Variants in CD300E observed in about 807,000 individuals in gnomAD.
The protein encoded by CD300E is CMRF35-like molecule 2.
In CD300E, 14 loss-of-function variants were observed where a neutral mutation model predicts 20.9. The ratio of observed to expected loss-of-function variants is 0.67; its 90% CI spans 0.44 to 1.05. The LOEUF (loss-of-function observed/expected upper bound fraction) is 1.05. Ranked by LOEUF, CD300E falls within the 50% of genes least tolerant of loss-of-function variation. The pLI, the probability that CD300E is intolerant of heterozygous loss-of-function variation, is 0.00. For synonymous variants in CD300E, 102 were observed against 103.7 expected, an observed-to-expected ratio of 0.98 and a Z score of 0.10; for missense variants, 237 against 253.9, an observed-to-expected ratio of 0.93 and a Z score of 0.45.
intron 2 of CD300E, 80 bp from the exon 3 acceptor site, chr17:74,614,113 A>G: frequency 1.8e-6 from 2 of 1,083,504 alleles, no homozygotes; most frequent in Non-Finnish European, 2.8e-6. Context: ...TGTCATACAG[A>G]ATCACCCACT....
At position 74,612,680 on chromosome 17, in the gene CD300E, C is replaced by A; in HGVS notation, c.591G>T (p.Arg197Ser). The change falls in exon 4 of 4, where the codon AGG becomes AGT. Residue 197 changes from arginine (R) to serine (S), a missense_variant. Coordinates refer to ENST00000392619, the MANE Select transcript of CD300E (RefSeq NM_181449.3). ...ATCTTCCAGGAGGAGCCCACTGAGG[C>A]CTGTTCACCCAGAAGACAGCACCCA... Reference protein sequence around the residue: ...SMLGAVFWVNRPQWAPPGR With the variant: ...SMLGAVFWVNSPQWAPPGR The A allele has an allele frequency of 6.2e-7, 1 of 1,613,856 alleles. No individual in the cohort carries two copies. Among genetic ancestry groups the A allele is most frequent in the Non-Finnish European group, 8.5e-7 (1 of 1,179,974 alleles).
intron 1 of CD300E, among the ~76,000 whole-genome samples, chr17:74,619,671 A>G (rs879369649): frequency 6.6e-6 from 1 of 152,118 alleles, no homozygotes; most frequent in Non-Finnish European, 1.5e-5. Flanking sequence ...GGAGGAAACC[A>G]TGGGACCATT....
rs539530420 is a variant in CD300E at position 74,612,623 on chromosome 17, G to A, written c.*30C>T. 1 of 1,610,688 alleles carries A rather than the reference G, an allele frequency of 6.2e-7. No individual in the cohort carries two copies. Among genetic ancestry groups the A allele is most frequent in the Admixed American group, 1.7e-5 (1 of 59,926 alleles). On this transcript the variant is annotated 3_prime_UTR_variant, in exon 4 of 4. Transcript: ENST00000392619. ...CTGCACGGGGCACTCCTGGGGATGG[G>A]GCTCTGCAGGGCTTCGGGTCAGCCT... is the stretch of plus-strand genomic sequence containing the variant.
chr17:74,614,716 A>G (rs756571334), intron 2 of CD300E, among the ~76,000 whole-genome samples: 5 of 152,146 alleles, frequency 3.3e-5, no homozygotes, highest in South Asian at 4.1e-4. Flanking sequence ...TCCTGGCCTC[A>G]GGTGATCTGC....
At position 74,620,427 on chromosome 17, in the gene CD300E, C is replaced by T. The variant is rs1013366201; in HGVS notation, c.41-2962G>A. ...CGGAGGTTGCAGTGAACCTAGATCA[C>T]GCCATGCACTCTAGGCTGGGCAACA... On this transcript the variant is annotated intron_variant, in intron 1 of 3. Coordinates refer to ENST00000392619, the MANE Select transcript of CD300E (RefSeq NM_181449.3). Among the ~76,000 whole-genome samples, 11 of 152,060 alleles carry T rather than the reference C, an allele frequency of 7.2e-5. No homozygotes were observed. In the South Asian group the frequency reaches 8.3e-4, roughly 11 times the overall value.
intron 1 of CD300E, among the ~76,000 whole-genome samples, chr17:74,620,721 C>T (rs989393606): frequency 6.6e-6 from 1 of 151,840 alleles, no homozygotes; most frequent in African/African-American, 2.4e-5. Context: ...CTATCTAAAG[C>T]CCAGTAAGCA....
In CD300E at chr17:74,612,733, G is replaced by C; in HGVS notation, c.538C>G (p.Leu180Val). 1 of 1,614,022 alleles carries C rather than the reference G, an allele frequency of 6.2e-7. No homozygotes were observed. The highest frequency in any genetic ancestry group is 2.2e-5 in the East Asian group (1 of 44,868). Residue 180 changes from leucine to valine, a missense_variant, in exon 4 of 4, where the codon CTG (leucine) becomes GTG (valine). Coordinates refer to ENST00000392619, the MANE Select transcript of CD300E (RefSeq NM_181449.3). Reference protein sequence around the residue: ...SSPHFLLVVLLKLPLLLSMLG... With the variant: ...SSPHFLLVVLVKLPLLLSMLG... The stretch of plus-strand genomic sequence containing the variant: ...ATGCTCAGGAGCAGGGGCAGCTTCA[G>C]AAGGACCACGAGCAGGAAGTGAGGG...
chr17:74,614,082 T>C (rs1412760223), intron 2 of CD300E, 49 bp from the exon 3 acceptor site: 3 of 1,366,562 alleles, frequency 2.2e-6, no homozygotes, highest in East Asian at 2.3e-5. Context: ...CTCCCAGCCA[T>C]GCACAGAACA....
intron 1 of CD300E, among the ~76,000 whole-genome samples, chr17:74,621,108 A>T (rs1178681548): frequency 6.6e-6 from 1 of 152,214 alleles, no homozygotes; most frequent in Admixed American, 6.5e-5. Flanking sequence ...TGATTAAATC[A>T]CAGACCCTCA....
At chr17:74,619,424 C>T (rs1301474002) in intron 1 of CD300E, 2 of 208,024 alleles carry the variant, frequency 9.6e-6, no homozygotes, top group Non-Finnish European at 2.0e-5. Context: ...CTCAAGAGAG[C>T]TTTCCAGGCT....
rs757854780 is a variant in CD300E at position 74,623,689 on chromosome 17, G to A, written c.-68C>T. On this transcript the variant is annotated 5_prime_UTR_variant, in exon 1 of 4. Coordinates refer to ENST00000392619, the MANE Select transcript of CD300E (RefSeq NM_181449.3). ...CAGCTGGAATCCAAGTATATGTAACGGAGCCTGGGTCATCCACTTTCTACT... is the reference window on the plus strand; with the variant it reads ...CAGCTGGAATCCAAGTATATGTAACAGAGCCTGGGTCATCCACTTTCTACT... 1.6e-5 allele frequency: 25 copies of A among 1,529,140 alleles called. No individual in the cohort carries two copies. In the Admixed American group the frequency reaches 2.2e-4, roughly 13 times the overall value. 94.7% of individuals were successfully genotyped at this position (1,529,140 alleles called of 1,614,324 possible).
At chr17:74,615,575 T>C (rs1364546095) in intron 2 of CD300E, among the ~76,000 whole-genome samples, 2 of 152,154 alleles carry the variant, frequency 1.3e-5, no homozygotes, top group African/African-American at 2.4e-5. Flanking sequence ...TCACTTTTTT[T>C]CCCCAGCAGC....
Position 74,614,052 on chromosome 17 carries a change from A to ATT in CD300E, c.389-20_389-19insAA. ...GTAATTGCTGTTGGAGATGAAAATG[A>ATT]TGCATCAGCCGTGCCTGGGCTCCCA... On this transcript the variant is annotated intron_variant, in intron 2 of 3. Transcript: ENST00000392619. 6.3e-7 allele frequency: 1 copy of ATT among 1,592,430 alleles called. No individual in the cohort carries two copies. Among genetic ancestry groups the ATT allele is most frequent in the Non-Finnish European group, 8.6e-7 (1 of 1,160,750 alleles).
intron 1 of CD300E, among the ~76,000 whole-genome samples, chr17:74,622,669 G>T (rs543411442): frequency 6.6e-6 from 1 of 152,162 alleles, no homozygotes; most frequent in South Asian, 2.1e-4. Context: ...AACCTTTGCA[G>T]GACAGTTTCA....
At chr17:74,616,496 G>A (rs564040823) in intron 2 of CD300E, among the ~76,000 whole-genome samples, 5 of 152,272 alleles carry the variant, frequency 3.3e-5, no homozygotes, top group Admixed American at 1.3e-4. Flanking sequence ...GCAGGACTCC[G>A]TTGAATGAGG....
Position 74,611,512 on chromosome 17 carries a change from G to A in CD300E, c.*1141C>T, listed in dbSNP as rs1029849585. 1 of 152,266 alleles carries A rather than the reference G, an allele frequency of 6.6e-6. No homozygotes were observed. The highest frequency in any genetic ancestry group is 1.5e-5 in the Non-Finnish European group (1 of 68,072). 9.4% of individuals were successfully genotyped at this position (152,266 alleles called of 1,614,324 possible). ...TTGACAAACATTCAGAAAACCAACT[G>A]AGCTCATTCCCGAGCCAGGGGTCAC... On this transcript the variant is annotated 3_prime_UTR_variant, in exon 4 of 4. Transcript: ENST00000392619.
intron 2 of CD300E, among the ~76,000 whole-genome samples, chr17:74,614,371 G>T (rs991947516): frequency 6.6e-6 from 1 of 152,278 alleles, no homozygotes; most frequent in South Asian, 2.1e-4. Context: ...GTTCCAGGAG[G>T]AGGAGGGGAA....
chr17:74,620,340 C>T (rs187162796), intron 1 of CD300E, among the ~76,000 whole-genome samples: 13 of 152,214 alleles, frequency 8.5e-5, no homozygotes, highest in South Asian at 6.2e-4. Flanking sequence ...GGCATAGTGG[C>T]GGGGGCCTAT....
chr17:74,617,563 G>A, intron 1 of CD300E, 98 bp from the exon 2 acceptor site: 1 of 1,027,234 alleles, frequency 9.7e-7, no homozygotes, highest in Non-Finnish European at 1.4e-6. Context: ...GGGAGACCTG[G>A]GTGTTTCCTG....
Sources: gnomAD v4.1 joint callset for allele counts (sites outside exome capture counted in the v4.1 genomes callset) on GRCh38, gnomAD v4.1.1 for gene constraint, MANE v1.5 for transcripts, NCBI Gene and HGNC (gene_info 2026-07-23, HGNC 2026-07-21) for gene names.